Variants in GMDS observed in about 807,000 individuals in gnomAD.
GMDS encodes GDP-mannose 4,6 dehydratase.
In GMDS, 20 loss-of-function variants were observed where a neutral mutation model predicts 49.9. The observed-to-expected ratio is 0.40, with a 90% confidence interval of 0.28 to 0.58. The LOEUF (loss-of-function observed/expected upper bound fraction) is 0.58. GMDS is among the 20% of genes least tolerant of loss of function. GMDS has a pLI of 0.42. For synonymous variants in GMDS, 177 were observed against 178.6 expected (o/e 0.99, Z 0.07); for missense variants, 362 against 481.4 (o/e 0.75, Z 2.32).
At chr6:2,092,632 C>T (rs556548286) in intron 4 of GMDS, among the ~76,000 whole-genome samples, 31 of 152,266 alleles carry the variant, frequency 2.0e-4, no homozygotes, top group Non-Finnish European at 4.1e-4. Flanking sequence ...CTTTAAGACA[C>T]TGAGATTCTA....
chr6:2,234,762 G>A (rs992224043), intron 1 of GMDS, among the ~76,000 whole-genome samples: 1 of 152,234 alleles, frequency 6.6e-6, no homozygotes, highest in African/African-American at 2.4e-5. Context: ...GAAGGTATGA[G>A]AGTTTACATC....
chr6:1,887,859 C>A (rs1759679786), intron 7 of GMDS, among the ~76,000 whole-genome samples: 1 of 152,024 alleles, frequency 6.6e-6, no homozygotes, highest in Non-Finnish European at 1.5e-5. Flanking sequence ...CTCCTATATA[C>A]CTTAAATCAT....
chr6:2,050,685 C>T (rs1770336024), intron 4 of GMDS, among the ~76,000 whole-genome samples: 1 of 152,190 alleles, frequency 6.6e-6, no homozygotes, highest in Admixed American at 6.5e-5. Flanking sequence ...CCACCACAAT[C>T]AAGTCGGCTT....
intron 9 of GMDS, among the ~76,000 whole-genome samples, chr6:1,717,983 C>T (rs1235712361): frequency 6.6e-6 from 1 of 152,152 alleles, no homozygotes; most frequent in Non-Finnish European, 1.5e-5. Context: ...TTGATATTAG[C>T]TCTTTACACA....
chr6:2,098,054 ATATTAT>A (rs936668804), intron 4 of GMDS, among the ~76,000 whole-genome samples: 4 of 151,800 alleles, frequency 2.6e-5, no homozygotes, highest in Middle Eastern at 3.4e-3. Context: ...ATTACACATA[ATATTAT>A]TATTATTATT....
chr6:2,243,089 T>C (rs1049641321), intron 1 of GMDS, among the ~76,000 whole-genome samples: 4 of 152,066 alleles, frequency 2.6e-5, no homozygotes, highest in South Asian at 2.1e-4. Context: ...GAGGAGACAA[T>C]GCAGAGGGCA....
At chr6:2,021,689 T>C (rs1209853237) in intron 4 of GMDS, among the ~76,000 whole-genome samples, 1 of 152,174 alleles carries the variant, frequency 6.6e-6, no homozygotes, top group Non-Finnish European at 1.5e-5. Flanking sequence ...AGGTAAAACA[T>C]AGCAGTTATA....
chr6:1,756,348 C>T (rs1415742623), intron 7 of GMDS, among the ~76,000 whole-genome samples: 1 of 151,680 alleles, frequency 6.6e-6, no homozygotes, highest in African/African-American at 2.4e-5. Flanking sequence ...ACTGCAACCT[C>T]CGCCTCCCGT....
At chr6:1,875,854 C>T (rs1433315292) in intron 7 of GMDS, among the ~76,000 whole-genome samples, 3 of 151,702 alleles carry the variant, frequency 2.0e-5, no homozygotes, top group Non-Finnish European at 4.4e-5. Flanking sequence ...GGAGAAACCC[C>T]GTTTCTACTA....
intron 9 of GMDS, among the ~76,000 whole-genome samples, chr6:1,719,359 C>A (rs562551650): frequency 3.3e-5 from 5 of 152,058 alleles, no homozygotes; most frequent in Non-Finnish European, 7.4e-5. Context: ...GCAGAGCCCA[C>A]GGTAGATGGG....
chr6:2,218,240 T>C (rs1022621178), intron 1 of GMDS, among the ~76,000 whole-genome samples: 6 of 152,166 alleles, frequency 3.9e-5, no homozygotes, highest in African/African-American at 1.4e-4. Context: ...AAGTTGAGGA[T>C]TACGATGAAC....
intron 7 of GMDS, among the ~76,000 whole-genome samples, chr6:1,891,852 TC>T (rs1759885391): frequency 6.6e-6 from 1 of 152,118 alleles, no homozygotes; most frequent in African/African-American, 2.4e-5. Flanking sequence ...CAGATGAGGA[TC>T]CAGGGCTGAG....
chr6:1,675,863 A>C (rs966240696), intron 9 of GMDS, among the ~76,000 whole-genome samples: 1 of 152,012 alleles, frequency 6.6e-6, no homozygotes, highest in Non-Finnish European at 1.5e-5. Flanking sequence ...AAAAAAAAAA[A>C]AAATGATAAA....
intron 6 of GMDS, among the ~76,000 whole-genome samples, chr6:1,955,840 C>T (rs1349831965): frequency 3.3e-5 from 5 of 151,816 alleles, no homozygotes; most frequent in African/African-American, 1.2e-4. Flanking sequence ...GCAGTCAAAA[C>T]CGTAATGAGC....
chr6:1,722,101 T>C (rs4959599), intron 9 of GMDS, among the ~76,000 whole-genome samples: 113,414 of 135,958 alleles, frequency 0.83, 47,857 homozygotes, highest in East Asian at 1. Context: ...GAATCTTGCT[T>C]TGACGCCCAG....
intron 7 of GMDS, among the ~76,000 whole-genome samples, chr6:1,770,088 T>C (rs1245050809): frequency 1.3e-5 from 2 of 152,204 alleles, no homozygotes; most frequent in Admixed American, 6.5e-5. Context: ...TCTTACAACA[T>C]TTTGGGGTTC....
chr6:2,088,590 T>C (rs1483088017), intron 4 of GMDS, among the ~76,000 whole-genome samples: 1 of 152,208 alleles, frequency 6.6e-6, no homozygotes. Flanking sequence ...AAATTTTCTA[T>C]GCATACTTTA....
At chr6:1,789,117 C>T (rs979217528) in intron 7 of GMDS, among the ~76,000 whole-genome samples, 5 of 152,196 alleles carry the variant, frequency 3.3e-5, no homozygotes, top group Admixed American at 6.5e-5. Flanking sequence ...TCAGGACCAG[C>T]CAAATGAAGG....
At chr6:2,118,999 T>A (rs914215542) in intron 2 of GMDS, among the ~76,000 whole-genome samples, 1 of 152,194 alleles carries the variant, frequency 6.6e-6, no homozygotes, top group African/African-American at 2.4e-5. Flanking sequence ...TATATACTTA[T>A]ACATAGCAAA....
Sources: allele counts gnomAD v4.1 joint callset (sites outside exome capture counted in the v4.1 genomes callset), GRCh38; gene constraint gnomAD v4.1.1; transcripts MANE v1.5; gene names NCBI Gene and HGNC (gene_info 2026-07-23, HGNC 2026-07-21).